LRP1B: variants seen among roughly 807,000 people sequenced by gnomAD.
LRP1B encodes the protein low-density lipoprotein receptor-related protein 1B.
LRP1B carries 217 observed loss-of-function variants against 556.6 expected under a neutral mutation model. The ratio of observed to expected loss-of-function variants is 0.39; its 90% CI spans 0.35 to 0.44. The LOEUF (loss-of-function observed/expected upper bound fraction) is 0.44, where lower values mean the gene tolerates loss of function less well. Among genes scored for constraint, LRP1B ranks in the 20% least tolerant of loss-of-function variants. The probability of loss-of-function intolerance (pLI) is 1.00; values close to 1 mark genes in which losing one functional copy is unlikely to be tolerated. For synonymous variants in LRP1B, 2,047 were observed against 1,865.8 expected (o/e 1.10, Z -2.50); for missense variants, 5,053 against 5,620.8 (o/e 0.90, Z 3.23).
chr2:140,797,972 T>C (rs1472192816), intron 32 of LRP1B, among the ~76,000 whole-genome samples: 2 of 152,286 alleles, frequency 1.3e-5, no homozygotes, highest in East Asian at 3.9e-4. Context: ...CAGTGAAAAC[T>C]GCCATATCTT....
chr2:141,520,080 G>A (rs976095386), intron 2 of LRP1B, among the ~76,000 whole-genome samples: 3 of 152,124 alleles, frequency 2.0e-5, no homozygotes, highest in Admixed American at 1.3e-4. Context: ...CTGCAACAAC[G>A]AGGCCAGTGT....
intron 17 of LRP1B, among the ~76,000 whole-genome samples, chr2:140,987,819 C>G (rs1443006032): frequency 4.0e-5 from 6 of 151,884 alleles, no homozygotes; most frequent in African/African-American, 1.2e-4. Flanking sequence ...TCCCTGTTCT[C>G]TACTAAAAAT....
intron 62 of LRP1B, among the ~76,000 whole-genome samples, 162 bp from the exon 63 acceptor site, chr2:140,450,823 A>T (rs916734050): frequency 6.6e-6 from 1 of 152,214 alleles, no homozygotes; most frequent in Admixed American, 6.5e-5. Context: ...ACAAAAAGCC[A>T]CAACGTGATC....
intron 2 of LRP1B, among the ~76,000 whole-genome samples, chr2:141,578,552 T>C (rs188930173): frequency 8.5e-5 from 13 of 152,254 alleles, no homozygotes; most frequent in Admixed American, 5.2e-4. Context: ...GCCTAGTCAT[T>C]GGTATTTAGT....
At chr2:141,046,843 A>G (rs1698885020) in intron 11 of LRP1B, among the ~76,000 whole-genome samples, 1 of 152,194 alleles carries the variant, frequency 6.6e-6, no homozygotes. Context: ...GCTCTTTGGG[A>G]AGCTGAGGCA....
At chr2:140,261,729 G>A (rs1190401401) in intron 86 of LRP1B, among the ~76,000 whole-genome samples, 1 of 151,444 alleles carries the variant, frequency 6.6e-6, no homozygotes, top group Non-Finnish European at 1.5e-5. Flanking sequence ...ATAAACATAA[G>A]AGTGTATCAT....
chr2:141,318,419 C>T (rs1441036901), intron 3 of LRP1B, among the ~76,000 whole-genome samples: 1 of 152,020 alleles, frequency 6.6e-6, no homozygotes. Context: ...CTAAAGAAGT[C>T]AAATTTAAAA....
chr2:141,813,481 C>T (rs1696425756), intron 1 of LRP1B, among the ~76,000 whole-genome samples: 1 of 151,458 alleles, frequency 6.6e-6, no homozygotes, highest in Non-Finnish European at 1.5e-5. Context: ...TTAAGGAACA[C>T]TAAAGAGGTC....
chr2:141,027,540 C>T lies in LRP1B; in HGVS notation c.1790-7438G>A, dbSNP rs979020790. On this transcript the variant is annotated intron_variant, in intron 11 of 90. Coordinates refer to ENST00000389484, the MANE Select transcript of LRP1B (RefSeq NM_018557.3). ...AAACCTGGGGCACTGTTATAAGCTA[C>T]ATGAGAAGGACAAGACATAACTAAA... Among the ~76,000 whole-genome samples the T allele has an allele frequency of 4.6e-5, 7 of 152,156 alleles. No individual in the cohort carries two copies. In the South Asian group the frequency reaches 6.2e-4, roughly 14 times the overall value.
chr2:141,988,693 G>C (rs2105110622), intron 1 of LRP1B, among the ~76,000 whole-genome samples: 2 of 152,044 alleles, frequency 1.3e-5, no homozygotes, highest in East Asian at 3.9e-4. Flanking sequence ...GAAGATATTT[G>C]CAGTGGTGCT....
chr2:141,343,769 G>A (rs151161455), intron 3 of LRP1B, among the ~76,000 whole-genome samples: 12 of 152,214 alleles, frequency 7.9e-5, no homozygotes, highest in Non-Finnish European at 1.6e-4. Context: ...TTTTTACCTA[G>A]CCTTGTATAG....
chr2:141,662,838 T>C (rs1188869431), intron 2 of LRP1B, among the ~76,000 whole-genome samples: 2 of 152,082 alleles, frequency 1.3e-5, no homozygotes, highest in African/African-American at 2.4e-5. Context: ...CTAATAGATA[T>C]ATACAGAACT....
chr2:141,592,670 G>GA (rs1687382838), intron 2 of LRP1B, among the ~76,000 whole-genome samples: 1 of 152,050 alleles, frequency 6.6e-6, no homozygotes, highest in South Asian at 2.1e-4. Context: ...GAGTTGTGGA[G>GA]AAAAGACTCA....
intron 1 of LRP1B, among the ~76,000 whole-genome samples, chr2:141,957,292 A>C (rs1023903737): frequency 2.0e-5 from 3 of 150,312 alleles, no homozygotes; most frequent in African/African-American, 7.3e-5. Context: ...GTCTGGCTGA[A>C]TATCAGAATC....
chr2:140,371,699 T>G (rs1183310024), intron 69 of LRP1B, among the ~76,000 whole-genome samples: 1 of 151,888 alleles, frequency 6.6e-6, no homozygotes, highest in Admixed American at 6.6e-5. Context: ...TTTAGCAACC[T>G]TTGAGTATGT....
intron 2 of LRP1B, among the ~76,000 whole-genome samples, chr2:141,619,878 G>T (rs117007572): frequency 2.0e-4 from 30 of 152,244 alleles, no homozygotes; most frequent in African/African-American, 7.0e-4. Flanking sequence ...ACCATCCTAC[G>T]AGCAGATTAA....
At chr2:140,489,813 G>T (rs1688626251) in intron 57 of LRP1B, among the ~76,000 whole-genome samples, 1 of 152,002 alleles carries the variant, frequency 6.6e-6, no homozygotes, top group Admixed American at 6.6e-5. Context: ...ACAATCCCCA[G>T]TCATGGCAGA....
At chr2:141,670,274 T>C (rs1690614343) in intron 2 of LRP1B, among the ~76,000 whole-genome samples, 1 of 152,186 alleles carries the variant, frequency 6.6e-6, no homozygotes, top group Non-Finnish European at 1.5e-5. Context: ...GCACAATCCC[T>C]GGAACCAAGT....
At chr2:141,145,696 GC>G (rs1701764866) in intron 7 of LRP1B, among the ~76,000 whole-genome samples, 1 of 151,346 alleles carries the variant, frequency 6.6e-6, no homozygotes, top group Non-Finnish European at 1.5e-5. Flanking sequence ...ACCACGCCTG[GC>G]TAATTTTGTA....
Sources: allele counts gnomAD v4.1 joint callset (sites outside exome capture counted in the v4.1 genomes callset), GRCh38; gene constraint gnomAD v4.1.1; transcripts MANE v1.5; gene names NCBI Gene and HGNC (gene_info 2026-07-23, HGNC 2026-07-21).